NFIB: variants seen among roughly 807,000 people sequenced by gnomAD.
NFIB encodes nuclear factor 1 B-type.
A neutral mutation model predicts 61.5 loss-of-function variants in NFIB; 11 were observed. That is an observed-to-expected ratio of 0.18 (90% CI 0.11 to 0.30). The LOEUF (loss-of-function observed/expected upper bound fraction) is 0.30, where lower values mean the gene tolerates loss of function less well. NFIB is among the 10% of genes least tolerant of loss of function. The pLI is 1.00. For synonymous variants in NFIB, 260 were observed against 216.5 expected, an observed-to-expected ratio of 1.20 and a Z score of -1.76; for missense variants, 471 against 608.9, an observed-to-expected ratio of 0.77 and a Z score of 2.38.
chr9:14,495,446 C>CTTTTTTTTTTCTTTTT, the NFIB span, among the ~76,000 whole-genome samples: 1 of 117,264 alleles, frequency 8.5e-6, no homozygotes, highest in African/African-American at 3.8e-5. Flanking sequence ...GAGAAATGAA[C>CTTTTTTTTTTCTTTTT]TTTTTTTTTT....
the NFIB span, among the ~76,000 whole-genome samples, chr9:14,528,692 C>T: frequency 1.3e-5 from 2 of 152,232 alleles, no homozygotes; most frequent in East Asian, 1.9e-4. Context: ...CTGGTGCATA[C>T]CTGCTACTCT....
At chr9:14,322,431 C>T (rs956473937) in intron 1 of NFIB, 1 of 232,798 alleles carries the variant, frequency 4.3e-6, no homozygotes, top group Non-Finnish European at 8.5e-6. Flanking sequence ...CCCGGGGTCG[C>T]GCGATCGCCC....
chr9:14,334,431 C>T (rs1348196627), intron 1 of NFIB, among the ~76,000 whole-genome samples: 4 of 152,198 alleles, frequency 2.6e-5, no homozygotes, highest in Non-Finnish European at 5.9e-5. Flanking sequence ...TTTCAAATGA[C>T]TGATGAGGCT....
In NFIB at chr9:14,086,773, T is replaced by TTTTTTTGTTTTTTTTTTTTTG. The variant is rs2032924128; in HGVS notation, c.*1515_*1535dup. The TTTTTTTGTTTTTTTTTTTTTG allele has an allele frequency of 4.8e-6, 1 of 209,470 alleles. No homozygotes were observed. The highest frequency in any genetic ancestry group is 9.7e-6 in the Non-Finnish European group (1 of 103,092). 13.0% of individuals were successfully genotyped at this position (209,470 alleles called of 1,614,324 possible). On this transcript the variant is annotated 3_prime_UTR_variant, in exon 11 of 11. Transcript: ENST00000380953. ...AGTGTAGTGATGTCACTTTGTTGTA[T>TTTTTTTGTTTTTTTTTTTTTG]TTTTTTGTTTTTTTTTTTTTGTTTT... is the stretch of plus-strand genomic sequence containing the variant.
At chr9:14,524,032 G>C in the NFIB span, among the ~76,000 whole-genome samples, 2 of 152,130 alleles carry the variant, frequency 1.3e-5, no homozygotes, top group African/African-American at 2.4e-5. Context: ...GATCAACCCA[G>C]AACTTGAGTG....
chr9:14,166,771 G>A (rs891154198), intron 3 of NFIB, among the ~76,000 whole-genome samples: 22 of 151,970 alleles, frequency 1.4e-4, no homozygotes, highest in African/African-American at 4.6e-4. Context: ...AAGTATCTTG[G>A]GGTTGTCCTC....
chr9:14,186,054 C>G (rs1007889932), intron 2 of NFIB, among the ~76,000 whole-genome samples: 21 of 152,164 alleles, frequency 1.4e-4, no homozygotes, highest in Admixed American at 1.2e-3. Context: ...TTCTCTGACA[C>G]CATGGCTTGA....
At chr9:14,122,101 G>GGA (rs1554639736) in intron 7 of NFIB, among the ~76,000 whole-genome samples, 1 of 65,476 alleles carries the variant, frequency 1.5e-5, no homozygotes, top group Non-Finnish European at 2.5e-5. Flanking sequence ...TAAAGAATAT[G>GGA]AAAAAAAATA....
At chr9:14,472,955 T>C in the NFIB span, among the ~76,000 whole-genome samples, 1 of 152,212 alleles carries the variant, frequency 6.6e-6, no homozygotes, top group African/African-American at 2.4e-5. Flanking sequence ...CTAGAATTAT[T>C]TTAGTTATCA....
chr9:14,364,685 G>A (rs2061279701), intron 1 of NFIB, among the ~76,000 whole-genome samples: 1 of 152,138 alleles, frequency 6.6e-6, no homozygotes, highest in South Asian at 2.1e-4. Context: ...GTGACCCTGA[G>A]CCAGCCCTTT....
At chr9:14,351,221 T>G (rs1564025353) in intron 1 of NFIB, among the ~76,000 whole-genome samples, 1 of 152,234 alleles carries the variant, frequency 6.6e-6, no homozygotes. Flanking sequence ...ATAAAGTTTA[T>G]GCTGGAAGAA....
At chr9:14,193,016 C>A (rs2048117846) in intron 2 of NFIB, among the ~76,000 whole-genome samples, 1 of 151,742 alleles carries the variant, frequency 6.6e-6, no homozygotes, top group Non-Finnish European at 1.5e-5. Context: ...TGTTATGATT[C>A]TCATCTTTTA....
At chr9:14,286,088 C>A (rs911398897) in intron 2 of NFIB, among the ~76,000 whole-genome samples, 3 of 152,166 alleles carry the variant, frequency 2.0e-5, no homozygotes, top group African/African-American at 7.2e-5. Flanking sequence ...CTGACATGTT[C>A]ACTGCAAAAC....
At chr9:14,177,904 T>C (rs765901143) in intron 3 of NFIB, among the ~76,000 whole-genome samples, 84 of 152,222 alleles carry the variant, frequency 5.5e-4, no homozygotes, top group Admixed American at 1.1e-3. Context: ...TATTGAAAAA[T>C]TGAATGATGT....
intron 3 of NFIB, among the ~76,000 whole-genome samples, chr9:14,158,373 C>T (rs985247896): frequency 6.6e-6 from 1 of 152,194 alleles, no homozygotes; most frequent in Non-Finnish European, 1.5e-5. Flanking sequence ...CTACCACCCA[C>T]TGGCCCAGCC....
chr9:14,471,513 T>G, the NFIB span, among the ~76,000 whole-genome samples: 2 of 152,234 alleles, frequency 1.3e-5, no homozygotes, highest in African/African-American at 2.4e-5. Flanking sequence ...CTACATTTGT[T>G]TCCCAATAAC....
At chr9:14,193,265 C>G (rs1388160021) in intron 2 of NFIB, among the ~76,000 whole-genome samples, 1 of 151,954 alleles carries the variant, frequency 6.6e-6, no homozygotes, top group Non-Finnish European at 1.5e-5. Flanking sequence ...CAATTTTTAA[C>G]AAGTTTTTTC....
At chr9:14,449,651 C>T in the NFIB span, among the ~76,000 whole-genome samples, 32 of 152,068 alleles carry the variant, frequency 2.1e-4, no homozygotes, top group Non-Finnish European at 3.1e-4. Flanking sequence ...ATTTCTCGAC[C>T]GGGTACAGTG....
chr9:14,206,953 T>G (rs1348281772), intron 2 of NFIB, among the ~76,000 whole-genome samples: 1 of 152,184 alleles, frequency 6.6e-6, no homozygotes, highest in Non-Finnish European at 1.5e-5. Flanking sequence ...CACTATTCCA[T>G]ACATTGTATG....
Sources: allele counts gnomAD v4.1 joint callset (sites outside exome capture counted in the v4.1 genomes callset), GRCh38; gene constraint gnomAD v4.1.1; transcripts MANE v1.5; gene names NCBI Gene and HGNC (gene_info 2026-07-23, HGNC 2026-07-21).